Variants in VAV2 observed in about 807,000 individuals in gnomAD.
The protein encoded by VAV2 is vav guanine nucleotide exchange factor 2, also known as guanine nucleotide exchange factor VAV2.
Under a neutral mutation model 132.5 loss-of-function variants are expected in VAV2, and 67 were observed. The ratio of observed to expected loss-of-function variants is 0.51; its 90% CI spans 0.42 to 0.62. The LOEUF (loss-of-function observed/expected upper bound fraction) is 0.62. VAV2 is among the 20% of genes least tolerant of loss of function. The pLI, the probability that VAV2 is intolerant of heterozygous loss-of-function variation, is 0.00. For synonymous variants in VAV2, 492 were observed against 443.5 expected (o/e 1.11, Z -1.37); for missense variants, 938 against 1,153.6 (o/e 0.81, Z 2.71).
intron 2 of VAV2, among the ~76,000 whole-genome samples, chr9:133,897,256 A>C (rs1839247389): frequency 6.6e-6 from 1 of 152,174 alleles, no homozygotes; most frequent in Admixed American, 6.5e-5. Context: ...CAAGAGACTA[A>C]GTCCCCCTCC....
intron 2 of VAV2, among the ~76,000 whole-genome samples, chr9:133,921,938 T>C (rs375236194): frequency 6.6e-6 from 1 of 152,252 alleles, no homozygotes; most frequent in East Asian, 1.9e-4. Flanking sequence ...ATCCCGTTGA[T>C]GGGCAGTAGT....
At chr9:133,789,448 G>T in intron 13 of VAV2, 105 bp from the exon 14 acceptor site, 1 of 1,063,800 alleles carries the variant, frequency 9.4e-7, no homozygotes, top group South Asian at 1.4e-5. Context: ...CTCCCCACAG[G>T]CAGCAGAGGC....
intron 2 of VAV2, among the ~76,000 whole-genome samples, chr9:133,891,182 C>T (rs531966535): frequency 1.7e-4 from 26 of 148,962 alleles, no homozygotes; most frequent in Non-Finnish European, 2.2e-4. Context: ...TGCCAGGGCC[C>T]GGCACTCACG....
At chr9:133,891,537 T>G (rs1195629192) in intron 2 of VAV2, among the ~76,000 whole-genome samples, 4 of 4,648 alleles carry the variant, frequency 8.6e-4, no homozygotes, top group South Asian at 0.011. Flanking sequence ...GGGGGAAGGA[T>G]GGAGAGGGAT....
chr9:133,918,861 C>G lies in VAV2; in HGVS notation c.321+20242G>C, dbSNP rs774198154. 6.6e-6 allele frequency among the ~76,000 whole-genome samples: 1 copy of G among 152,010 alleles called. No homozygotes were observed. Among genetic ancestry groups the G allele is most frequent in the African/African-American group, 2.4e-5 (1 of 41,382 alleles). ...TGCGATCTCGGCTCACTGCAACCTC[C>G]GCCTCCTGGGTTCAAGCGATTCCCC... On this transcript the variant is annotated intron_variant, in intron 2 of 29. Transcript: ENST00000371850. This position sits in a 1 kb window ranked among gnomAD's most constrained non-coding sequence, Gnocchi z 4.7.
intron 1 of VAV2, among the ~76,000 whole-genome samples, chr9:133,948,208 G>A (rs905245438): frequency 2.6e-5 from 4 of 152,238 alleles, no homozygotes; most frequent in Non-Finnish European, 5.9e-5. Context: ...GGGATTGATT[G>A]AGGAGTGTCA....
intron 3 of VAV2, among the ~76,000 whole-genome samples, chr9:133,851,262 G>C (rs534232903): frequency 2.6e-5 from 4 of 152,326 alleles, no homozygotes; most frequent in Admixed American, 2.0e-4. Flanking sequence ...GGTGCCGGGA[G>C]ATCCCCATTT....
chr9:133,803,035 C>G (rs139832331), intron 9 of VAV2, among the ~76,000 whole-genome samples: 1 of 152,168 alleles, frequency 6.6e-6, no homozygotes, highest in African/African-American at 2.4e-5. Flanking sequence ...GGACCATGAC[C>G]GGGGACTCTC....
intron 2 of VAV2, among the ~76,000 whole-genome samples, chr9:133,902,654 T>C (rs758234862): frequency 6.6e-6 from 1 of 152,144 alleles, no homozygotes; most frequent in Admixed American, 6.5e-5. Flanking sequence ...AAAAGATACA[T>C]AGGGGTGCTA....
intron 2 of VAV2, among the ~76,000 whole-genome samples, chr9:133,931,550 C>T (rs888065411): frequency 4.6e-5 from 7 of 152,200 alleles, no homozygotes; most frequent in Admixed American, 1.3e-4. Flanking sequence ...ACCTCCTGAA[C>T]GAGTCTGTCC....
intron 1 of VAV2, among the ~76,000 whole-genome samples, chr9:133,964,451 T>C (rs1039507878): frequency 7.2e-5 from 11 of 152,144 alleles, no homozygotes; most frequent in Admixed American, 1.3e-4. Context: ...ATAACATATA[T>C]AATTTTGCAT....
chr9:133,799,371 C>T (rs73663840), intron 9 of VAV2, among the ~76,000 whole-genome samples: 3,766 of 152,296 alleles, frequency 0.025, 54 homozygotes, highest in East Asian at 0.049. Flanking sequence ...TTCCTCAGGC[C>T]GCCCGAGAAT....
At chr9:133,831,117 A>C (rs768440458) in intron 4 of VAV2, among the ~76,000 whole-genome samples, 1 of 152,236 alleles carries the variant, frequency 6.6e-6, no homozygotes, top group East Asian at 1.9e-4. Context: ...ATCAGTCACA[A>C]TCAGGACGGG....
chr9:133,808,366 C>T (rs1835234378), intron 7 of VAV2, among the ~76,000 whole-genome samples: 1 of 152,254 alleles, frequency 6.6e-6, no homozygotes, highest in Non-Finnish European at 1.5e-5. Flanking sequence ...CACGGCCACC[C>T]TGGTTGGTTT....
chr9:133,820,827 G>A (rs564674002), intron 4 of VAV2, among the ~76,000 whole-genome samples: 1 of 152,338 alleles, frequency 6.6e-6, no homozygotes, highest in South Asian at 2.1e-4. Flanking sequence ...AGTCTCCTGG[G>A]AGTACAGGGC....
At chr9:133,811,452 T>A (rs1835355279) in intron 5 of VAV2, among the ~76,000 whole-genome samples, 1 of 152,204 alleles carries the variant, frequency 6.6e-6, no homozygotes, top group Non-Finnish European at 1.5e-5. Flanking sequence ...GCAAGTGGCA[T>A]CTCACCCACT....
intron 2 of VAV2, among the ~76,000 whole-genome samples, chr9:133,862,670 C>T (rs1479929010): frequency 1.3e-5 from 2 of 152,172 alleles, no homozygotes; most frequent in African/African-American, 4.8e-5. Context: ...TGGGTGCTGG[C>T]GTCATAGGAA....
At chr9:133,937,857 T>G (rs966773595) in intron 2 of VAV2, among the ~76,000 whole-genome samples, 2 of 152,158 alleles carry the variant, frequency 1.3e-5, no homozygotes, top group African/African-American at 4.8e-5. Flanking sequence ...GTGAGTCATT[T>G]AAGGGACACA....
chr9:133,811,211 T>G (rs1018439289), intron 5 of VAV2, among the ~76,000 whole-genome samples: 1 of 152,222 alleles, frequency 6.6e-6, no homozygotes, highest in African/African-American at 2.4e-5. Flanking sequence ...AAACCTGCTC[T>G]TAACAGTCAG....
Sources: allele counts gnomAD v4.1 joint callset (sites outside exome capture counted in the v4.1 genomes callset), GRCh38; gene constraint gnomAD v4.1.1; non-coding constraint Gnocchi (gnomAD v3.1); transcripts MANE v1.5; gene names NCBI Gene and HGNC (gene_info 2026-07-23, HGNC 2026-07-21).